Variants in UNC5B observed in about 807,000 individuals in gnomAD.
UNC5B encodes unc-5 netrin receptor B, also known as netrin receptor UNC5B.
Under a neutral mutation model 103.7 loss-of-function variants are expected in UNC5B, and 56 were observed. The observed-to-expected ratio is 0.54, with a 90% CI of 0.44 to 0.67. UNC5B has a LOEUF of 0.67. UNC5B is among the 30% of genes least tolerant of loss of function. The pLI, the probability that UNC5B is intolerant of heterozygous loss-of-function variation, is 0.00. For missense variants in UNC5B, 1,194 were observed against 1,284.5 expected (o/e 0.93, Z 1.08); for synonymous variants, 577 against 542.0 (o/e 1.06, Z -0.90).
At chr10:71,283,292 G>T (rs1411105565) in intron 2 of UNC5B, among the ~76,000 whole-genome samples, 1 of 152,254 alleles carries the variant, frequency 6.6e-6, no homozygotes, top group African/African-American at 2.4e-5. Flanking sequence ...TTGAGATCCA[G>T]ATGACCTGCC....
intron 1 of UNC5B, among the ~76,000 whole-genome samples, chr10:71,218,786 C>T (rs1843391248): frequency 6.6e-6 from 1 of 152,218 alleles, no homozygotes; most frequent in Non-Finnish European, 1.5e-5. Flanking sequence ...TTCAGCCTGT[C>T]TCCCCCAAAG....
intron 1 of UNC5B, among the ~76,000 whole-genome samples, chr10:71,216,797 T>C (rs1843338222): frequency 6.6e-6 from 1 of 151,216 alleles, no homozygotes; most frequent in Non-Finnish European, 1.5e-5. Flanking sequence ...GTGGGCTGCC[T>C]AAGACTTTGG....
chr10:71,245,452 AG>A (rs954868725), intron 1 of UNC5B, among the ~76,000 whole-genome samples: 6 of 152,246 alleles, frequency 3.9e-5, no homozygotes, highest in African/African-American at 1.4e-4. Context: ...GAATCCCAGT[AG>A]GGCCTGGTGG....
At chr10:71,227,307 G>A (rs992011460) in intron 1 of UNC5B, among the ~76,000 whole-genome samples, 2 of 152,164 alleles carry the variant, frequency 1.3e-5, no homozygotes, top group Admixed American at 6.6e-5. Flanking sequence ...TCTAAGTGAA[G>A]TAACTCAGGA....
intron 10 of UNC5B, among the ~76,000 whole-genome samples, 158 bp from the exon 11 acceptor site, chr10:71,292,309 C>A (rs559645509): frequency 2.6e-5 from 4 of 152,122 alleles, no homozygotes; most frequent in Non-Finnish European, 5.9e-5. Flanking sequence ...CTGGCCTCTG[C>A]TTGCATCCAG....
At chr10:71,277,523 G>A (rs1378473003) in intron 1 of UNC5B, among the ~76,000 whole-genome samples, 1 of 152,244 alleles carries the variant, frequency 6.6e-6, no homozygotes, top group African/African-American at 2.4e-5. Flanking sequence ...GAGCTGTCTG[G>A]CCTGGCAGGG....
rs1845400321 is a variant in UNC5B, at chr10:71,295,936, G to C, written c.2301G>C (p.Arg767Ser). ...SLHDLPHAHW[R>S]SKLLAKYQEI... ...ATGACCTCCCCCATGCCCATTGGAG[G>C]AGCAAGCTGCTGGCCAAATACCAGG... Residue 767 changes from arginine (R) to serine (S), a missense_variant, in exon 14 of 17, where the codon AGG becomes AGC. By Grantham distance (110) the Arg-to-Ser change is moderately radical. Transcript: ENST00000335350. The C allele has an allele frequency of 6.2e-7, 1 of 1,613,138 alleles. No individual in the cohort carries two copies. The highest frequency in any genetic ancestry group is 1.7e-5 in the Admixed American group (1 of 60,026).
At chr10:71,217,182 G>A (rs1843348372) in intron 1 of UNC5B, 2 of 152,712 alleles carry the variant, frequency 1.3e-5, no homozygotes, top group African/African-American at 4.8e-5. Flanking sequence ...CACAAATAGA[G>A]TCATTAAAGC....
intron 6 of UNC5B, 46 bp from the exon 7 acceptor site, chr10:71,288,522 C>G (rs1845152768): frequency 6.3e-7 from 1 of 1,590,778 alleles, no homozygotes; most frequent in Non-Finnish European, 8.6e-7. Flanking sequence ...ACTATGTGTG[C>G]ACATGTCTCT....
In UNC5B at chr10:71,302,026, A is replaced by T. The variant is rs12780262; in HGVS notation, c.*2749A>T. The T allele has an allele frequency of 6.6e-6, 1 of 152,170 alleles. No homozygotes were observed. Among genetic ancestry groups the T allele is most frequent in the Non-Finnish European group, 1.5e-5 (1 of 68,040 alleles). The allele number at this position is 152,170 out of a possible 1,614,324, so 9.4% of individuals were successfully genotyped here. A position where few individuals can be genotyped will look rare whatever the true frequency, so the allele number is the denominator to read the frequency against. On this transcript the variant is annotated 3_prime_UTR_variant, in exon 17 of 17. Coordinates refer to ENST00000335350, the MANE Select transcript of UNC5B (RefSeq NM_170744.5). Reference sequence around the variant, plus strand: ...GCACCATGTCCTAGAGCACAGACCCATTGGCTGGAGCCTCCTGGGAGGGTT... The same window carrying T: ...GCACCATGTCCTAGAGCACAGACCCTTTGGCTGGAGCCTCCTGGGAGGGTT...
chr10:71,232,615 C>G (rs1308711541), intron 1 of UNC5B, among the ~76,000 whole-genome samples: 1 of 152,260 alleles, frequency 6.6e-6, no homozygotes, highest in African/African-American at 2.4e-5. Context: ...CAGTTGGCAG[C>G]CCTGGCCTTG....
chr10:71,248,371 C>G (rs548039739), intron 1 of UNC5B, among the ~76,000 whole-genome samples: 32 of 152,234 alleles, frequency 2.1e-4, no homozygotes, highest in African/African-American at 7.2e-4. Flanking sequence ...AAAAGCCCCC[C>G]GCACCTCCAG....
rs560464454 is a variant in UNC5B at position 71,285,441 on chromosome 10, C to T, written c.552+12C>T. The T allele has an allele frequency of 5.1e-6, 8 of 1,575,182 alleles. No homozygotes were observed. The highest frequency in any genetic ancestry group is 3.6e-5 in the Admixed American group (2 of 54,886). On this transcript the variant is annotated intron_variant, in intron 4 of 16. Coordinates refer to ENST00000335350, the MANE Select transcript of UNC5B (RefSeq NM_170744.5). The stretch of plus-strand genomic sequence containing the variant: ...TGCCTGTGGCCGAGGTGAGCGGGGA[C>T]GTAGGGACCACTGAGCACGGCCCTG...
At chr10:71,257,910 G>A (rs758818605) in intron 1 of UNC5B, among the ~76,000 whole-genome samples, 2 of 152,248 alleles carry the variant, frequency 1.3e-5, no homozygotes, top group Non-Finnish European at 2.9e-5. Context: ...TGCTAAAGCC[G>A]TTTGATATAT....
At chr10:71,263,342 C>G (rs1844452594) in intron 1 of UNC5B, among the ~76,000 whole-genome samples, 1 of 152,308 alleles carries the variant, frequency 6.6e-6, no homozygotes, top group South Asian at 2.1e-4. Flanking sequence ...GCCCTCCCTC[C>G]CCAAGCCTGA....
At chr10:71,235,855 A>G (rs1311012627) in intron 1 of UNC5B, among the ~76,000 whole-genome samples, 4 of 152,220 alleles carry the variant, frequency 2.6e-5, no homozygotes, top group Non-Finnish European at 5.9e-5. Context: ...CATCTGGGCC[A>G]TCTATAGACA....
intron 1 of UNC5B, among the ~76,000 whole-genome samples, chr10:71,267,807 A>G (rs1844554156): frequency 6.6e-6 from 1 of 152,216 alleles, no homozygotes; most frequent in Admixed American, 6.5e-5. Context: ...TCACCAGCTG[A>G]CAACTCAGCT....
intron 1 of UNC5B, among the ~76,000 whole-genome samples, chr10:71,225,220 G>C (rs993680155): frequency 1.3e-5 from 2 of 151,932 alleles, no homozygotes; most frequent in Non-Finnish European, 2.9e-5. Flanking sequence ...GTAGGGCCAA[G>C]TGAGAAAACA....
intron 1 of UNC5B, among the ~76,000 whole-genome samples, chr10:71,215,806 G>GGTGT (rs55848098): frequency 0.013 from 1,916 of 149,642 alleles, 35 homozygotes; most frequent in African/African-American, 0.039. Flanking sequence ...GTCTCTGCTT[G>GGTGT]GTGTGTGTGT....
Sources: allele counts gnomAD v4.1 joint callset (sites outside exome capture counted in the v4.1 genomes callset), GRCh38; gene constraint gnomAD v4.1.1; transcripts MANE v1.5; gene names NCBI Gene and HGNC (gene_info 2026-07-23, HGNC 2026-07-21).